The following SOX13 variants were observed in gnomAD, a reference collection of about 807,000 sequenced individuals.
SOX13 encodes transcription factor SOX-13.
In SOX13, 28 loss-of-function variants were observed where a neutral mutation model predicts 71.8. The observed-to-expected ratio is 0.39, with a 90% CI of 0.29 to 0.53. SOX13 has a LOEUF of 0.53. SOX13 is among the 20% of genes least tolerant of loss of function. The pLI is 0.70. For missense variants in SOX13, 627 were observed against 810.3 expected (o/e 0.77, Z 2.75); for synonymous variants, 309 against 317.8 (o/e 0.97, Z 0.29).
At chr1:204,118,861 T>A (rs1192223778) in intron 7 of SOX13, 2 of 151,938 alleles carry the variant, frequency 1.3e-5, no homozygotes, top group African/African-American at 2.4e-5. Flanking sequence ...ATTTGAGAAG[T>A]GAGTGTGTCG....
At chr1:204,100,068 G>T (rs1266330742) in intron 1 of SOX13, among the ~76,000 whole-genome samples, 1 of 152,212 alleles carries the variant, frequency 6.6e-6, no homozygotes, top group Non-Finnish European at 1.5e-5. Flanking sequence ...AGGCTGGGAG[G>T]TTGAGAGGCT....
chr1:204,119,371 A>T (rs1485251982), intron 7 of SOX13: 2 of 152,120 alleles, frequency 1.3e-5, no homozygotes, highest in African/African-American at 4.8e-5. Flanking sequence ...GTGTCTGGTG[A>T]GGGCTGACTT....
At chr1:204,084,181 G>A (rs781470246) in intron 1 of SOX13, among the ~76,000 whole-genome samples, 5 of 152,174 alleles carry the variant, frequency 3.3e-5, no homozygotes, top group Non-Finnish European at 5.9e-5. Context: ...GTGCAAGCAC[G>A]GGGCAGCATG....
intron 1 of SOX13, among the ~76,000 whole-genome samples, chr1:204,098,105 C>G (rs1656289881): frequency 6.6e-6 from 1 of 152,192 alleles, no homozygotes; most frequent in South Asian, 2.1e-4. Flanking sequence ...AAGCAATCCA[C>G]CCACCTCGAC....
chr1:204,117,613 C>T lies in SOX13; in HGVS notation c.681C>T (p.Val227=), dbSNP rs757138043. ...TTCAGCAGGTTAACATGCCTTATGTCATGATCCCAGCCTTCCCCCCAAGCC... is the reference window on the plus strand; with the variant it reads ...TTCAGCAGGTTAACATGCCTTATGTTATGATCCCAGCCTTCCCCCCAAGCC... ...QQIQQVNMPY[V]MIPAFPPSHQ... The change falls in exon 7 of 14, where the codon GTC becomes GTT. Residue 227 remains valine (V), a synonymous_variant. Transcript: ENST00000367204. 1 of 1,612,366 alleles carries T rather than the reference C, an allele frequency of 6.2e-7. No individual in the cohort carries two copies. Among genetic ancestry groups the T allele is most frequent in the South Asian group, 1.1e-5 (1 of 90,532 alleles).
At chr1:204,082,241 GGTGTGT>G (rs35526887) in intron 1 of SOX13, among the ~76,000 whole-genome samples, 2 of 150,674 alleles carry the variant, frequency 1.3e-5, no homozygotes, top group South Asian at 2.1e-4. Flanking sequence ...GGCCAGGTGT[GGTGTGT>G]GTGTGTGTGT....
At chr1:204,113,491 A>G (rs1656629005) in intron 2 of SOX13, among the ~76,000 whole-genome samples, 1 of 152,168 alleles carries the variant, frequency 6.6e-6, no homozygotes, top group South Asian at 2.1e-4. Flanking sequence ...GATTTGGGAA[A>G]ATCAACCTGA....
rs1455858787 is a variant in SOX13 at position 204,102,984 on chromosome 1, G to A, written c.-1-9931G>A. On this transcript the variant is annotated intron_variant, in intron 1 of 13. Transcript: ENST00000367204. ...CCTCCGGAAGAGCTGGGCTGGCTGG[G>A]GAGGAGAATAGGGTGTGAGTCCTTC... 3.3e-5 allele frequency among the ~76,000 whole-genome samples: 5 copies of A among 152,146 alleles called. No homozygotes were observed. The East Asian group carries it at 9.7e-4, about 30-fold the overall frequency.
rs1293874501 is a variant in SOX13, at chr1:204,126,722, C to T, written c.*588C>T. On this transcript the variant is annotated 3_prime_UTR_variant, in exon 14 of 14. Coordinates refer to ENST00000367204, the MANE Select transcript of SOX13 (RefSeq NM_005686.3). ...CACTGCACAAGATATTTATTGAGTGCCCACTACGTGCCAGGCACTGTTGCT... is the reference window on the plus strand; with the variant it reads ...CACTGCACAAGATATTTATTGAGTGTCCACTACGTGCCAGGCACTGTTGCT... 6.5e-6 allele frequency: 1 copy of T among 154,024 alleles called. No individual in the cohort carries two copies. Among genetic ancestry groups the T allele is most frequent in the East Asian group, 1.9e-4 (1 of 5,204 alleles). The allele number at this position is 154,024 out of a possible 1,614,324, so 9.5% of individuals were successfully genotyped here. A position where few individuals can be genotyped will look rare whatever the true frequency, so the allele number is the denominator to read the frequency against.
At chr1:204,125,394 A>G (rs1656900128) in intron 13 of SOX13, among the ~76,000 whole-genome samples, 1 of 152,016 alleles carries the variant, frequency 6.6e-6, no homozygotes, top group Admixed American at 6.6e-5. Flanking sequence ...GTGAAACCTC[A>G]TCTTTAAATA....
chr1:204,102,612 C>T (rs974206482), intron 1 of SOX13, among the ~76,000 whole-genome samples: 3 of 151,570 alleles, frequency 2.0e-5, no homozygotes, highest in Non-Finnish European at 4.4e-5. Context: ...GGGAGACCTA[C>T]ATGGAGCAGA....
intron 1 of SOX13, among the ~76,000 whole-genome samples, chr1:204,103,150 G>T (rs1656394410): frequency 6.6e-6 from 1 of 152,218 alleles, no homozygotes; most frequent in African/African-American, 2.4e-5. Context: ...ATAGTTCTTG[G>T]AATCTCTATT....
chr1:204,097,010 C>T (rs1019862970), intron 1 of SOX13, among the ~76,000 whole-genome samples: 3 of 152,146 alleles, frequency 2.0e-5, no homozygotes, highest in African/African-American at 7.2e-5. Flanking sequence ...CCCCTTGGGC[C>T]CAGGCTTTCT....
At chr1:204,099,502 T>C (rs1024092543) in intron 1 of SOX13, among the ~76,000 whole-genome samples, 2 of 143,046 alleles carry the variant, frequency 1.4e-5, no homozygotes, top group East Asian at 4.4e-4. Context: ...CATGGCTCAC[T>C]GCAGCCCCAA....
intron 1 of SOX13, among the ~76,000 whole-genome samples, chr1:204,079,506 C>T (rs946902720): frequency 6.6e-6 from 1 of 152,002 alleles, no homozygotes. Flanking sequence ...CCACCACGCC[C>T]GGCTAATTTT....
chr1:204,115,510 A>AAG (rs1449686961), intron 4 of SOX13, among the ~76,000 whole-genome samples: 1 of 149,722 alleles, frequency 6.7e-6, no homozygotes, highest in South Asian at 2.1e-4. Flanking sequence ...AAAAAAAAAA[A>AAG]AAAGGTCTAT....
At chr1:204,087,144 G>C (rs1373531275) in intron 1 of SOX13, among the ~76,000 whole-genome samples, 1 of 151,828 alleles carries the variant, frequency 6.6e-6, no homozygotes, top group Non-Finnish European at 1.5e-5. Context: ...GGATGGTCTC[G>C]ATTTCCTGAC....
intron 1 of SOX13, among the ~76,000 whole-genome samples, chr1:204,075,209 G>A (rs1263316930): frequency 6.6e-6 from 1 of 152,218 alleles, no homozygotes; most frequent in African/African-American, 2.4e-5. Flanking sequence ...GAGCCAGGCC[G>A]CTCTCTGCCC....
chr1:204,073,495 C>G lies in SOX13; in HGVS notation c.-218C>G, dbSNP rs1468193100. The G allele has an allele frequency of 6.6e-6, 1 of 151,742 alleles. No individual in the cohort carries two copies. The highest frequency in any genetic ancestry group is 2.4e-5 in the African/African-American group (1 of 41,382). The allele number at this position is 151,742 out of a possible 1,614,324, so 9.4% of individuals were successfully genotyped here. A position where few individuals can be genotyped will look rare whatever the true frequency, so the allele number is the denominator to read the frequency against. On this transcript the variant is annotated 5_prime_UTR_variant, in exon 1 of 14. Coordinates refer to ENST00000367204, the MANE Select transcript of SOX13 (RefSeq NM_005686.3). This position sits in a 1 kb window ranked among gnomAD's most constrained non-coding sequence, Gnocchi z 6.8. ...GCCCGGGACGGCGGGCCCCGTGGGGCGCGGACCCAGGGTGGCCGTGGGTCC... is the reference window on the plus strand; with the variant it reads ...GCCCGGGACGGCGGGCCCCGTGGGGGGCGGACCCAGGGTGGCCGTGGGTCC...
Sources: allele counts gnomAD v4.1 joint callset (sites outside exome capture counted in the v4.1 genomes callset), GRCh38; gene constraint gnomAD v4.1.1; non-coding constraint Gnocchi (gnomAD v3.1); transcripts MANE v1.5; gene names NCBI Gene and HGNC (gene_info 2026-07-23, HGNC 2026-07-21).